The following PFAS variants were observed in gnomAD, a reference collection of about 807,000 sequenced individuals.
PFAS encodes FGAM synthase.
A neutral mutation model predicts 140.6 loss-of-function variants in PFAS; 97 were observed. That is an observed-to-expected ratio of 0.69 (90% CI 0.59 to 0.82). PFAS has a LOEUF of 0.82. Ranked by LOEUF, PFAS falls within the 40% of genes least tolerant of loss-of-function variation. PFAS has a pLI of 0.00. For missense variants in PFAS, 1,656 were observed against 1,780.2 expected (o/e 0.93, Z 1.26); for synonymous variants, 679 against 718.8 (o/e 0.94, Z 0.88).
At position 8,258,063 on chromosome 17, in the gene PFAS, C is replaced by A; in HGVS notation, c.1208-8C>A. 3 of 1,614,108 alleles carry A rather than the reference C, an allele frequency of 1.9e-6. No individual in the cohort carries two copies. Among genetic ancestry groups the A allele is most frequent in the Middle Eastern group, 1.6e-4 (1 of 6,062 alleles). On this transcript the variant is annotated splice_region_variant and splice_polypyrimidine_tract_variant and intron_variant, in intron 10 of 27. Transcript: ENST00000314666. ...GAGTGACAGGTCCCTCTGATGTTCACACTCCAGGCTTCGCCCGCTCCTTGG... is the reference window on the plus strand; with the variant it reads ...GAGTGACAGGTCCCTCTGATGTTCAAACTCCAGGCTTCGCCCGCTCCTTGG...
intron 1 of PFAS, among the ~76,000 whole-genome samples, chr17:8,252,347 A>G (rs1989189282): frequency 6.6e-6 from 1 of 152,200 alleles, no homozygotes; most frequent in African/African-American, 2.4e-5. Flanking sequence ...ACATGATATC[A>G]TCAAGCAATA....
intron 4 of PFAS, 73 bp from the exon 5 acceptor site, chr17:8,255,429 G>A: frequency 8.6e-7 from 1 of 1,165,694 alleles, no homozygotes; most frequent in Non-Finnish European, 1.2e-6. Flanking sequence ...TGACTAAGAG[G>A]GTAGGAAGGT....
intron 11 of PFAS, among the ~76,000 whole-genome samples, chr17:8,261,393 C>G (rs925877717): frequency 6.6e-6 from 1 of 151,928 alleles, no homozygotes; most frequent in African/African-American, 2.4e-5. Context: ...CGTGCCACCA[C>G]ACCTAGCTAA....
At chr17:8,250,011 C>G (rs1317379322) in intron 1 of PFAS, among the ~76,000 whole-genome samples, 1 of 152,100 alleles carries the variant, frequency 6.6e-6, no homozygotes, top group Non-Finnish European at 1.5e-5. Flanking sequence ...ATAGTAACTA[C>G]TTGAGTGGCT....
At chr17:8,253,622 C>G (rs1423578122) in intron 1 of PFAS, among the ~76,000 whole-genome samples, 1 of 152,106 alleles carries the variant, frequency 6.6e-6, no homozygotes, top group Non-Finnish European at 1.5e-5. Context: ...TCACTGCAAC[C>G]TCTGCCTCCC....
Position 8,263,218 on chromosome 17 carries a change from A to G in PFAS, c.1520A>G (p.Lys507Arg), listed in dbSNP as rs368610428. 1.9e-5 allele frequency: 31 copies of G among 1,614,030 alleles called. No homozygotes were observed. The highest frequency in any genetic ancestry group is 1.8e-4 in the South Asian group (16 of 91,084). ...ATCAGGGCTTGTGTGGAGGCCCCCA[A>G]GGGAAACCCCATCTGCAGCCTTCAT... The part of the protein sequence containing the change: ...RVIRACVEAP[K>R]GNPICSLHDQ... The change falls in exon 13 of 28, where the codon AAG (lysine) becomes AGG (arginine). Residue 507 changes from lysine to arginine, a missense_variant. By Grantham distance (26) the Lys-to-Arg change is conservative. Around this residue, in one of 2 missense-constraint regions of PFAS, gnomAD observed 773 missense variants for 757.3 expected, o/e 1.02. Transcript: ENST00000314666.
In PFAS at chr17:8,265,437, T is replaced by C. The variant is rs762712686; in HGVS notation, c.2430T>C (p.Ala810=). Residue 810 remains alanine (A), a synonymous_variant, in exon 19 of 28, where the codon GCT becomes GCC. Coordinates refer to ENST00000314666, the MANE Select transcript of PFAS (RefSeq NM_012393.3). ...DGGKDSLSMA[A]RVGTETVRAP... Reference sequence around the variant, plus strand: ...GCAAGGACTCCCTCAGCATGGCTGCTCGGGTTGGCACTGAGACCGTGCGGG... The same window carrying C: ...GCAAGGACTCCCTCAGCATGGCTGCCCGGGTTGGCACTGAGACCGTGCGGG... 77 of 1,613,904 alleles carry C rather than the reference T, an allele frequency of 4.8e-5. No homozygotes were observed. The highest frequency in any genetic ancestry group is 3.8e-4 in the Admixed American group (23 of 59,980).
intron 1 of PFAS, 108 bp from the exon 2 acceptor site, chr17:8,253,751 C>G (rs1030451606): frequency 4.4e-6 from 3 of 675,666 alleles, no homozygotes; most frequent in Admixed American, 3.5e-5. Context: ...GTTGGCCGGG[C>G]TGATCTCCAA....
Position 8,255,533 on chromosome 17 carries a change from C to T in PFAS, c.416C>T (p.Ala139Val), listed in dbSNP as rs539186803. The change falls in exon 5 of 28, where the codon GCC becomes GTC. Residue 139 changes from alanine (A) to valine (V), a missense_variant. Ala to Val is a moderately conservative substitution (Grantham distance 64, BLOSUM62 0). Coordinates refer to ENST00000314666, the MANE Select transcript of PFAS (RefSeq NM_012393.3). ...CACCCCCCGTCAGCTGAGGTGGAAG[C>T]CATTGCTCTGGCTACCCTGCACGAC... ...FAHPPSAEVEAIALATLHDRM... is the reference protein window; with the variant it reads ...FAHPPSAEVEVIALATLHDRM... The T allele has an allele frequency of 5.0e-5, 77 of 1,526,010 alleles. No homozygotes were observed. The highest frequency in any genetic ancestry group is 1.6e-4 in the South Asian group (12 of 75,386). 94.5% of individuals were successfully genotyped at this position (1,526,010 alleles called of 1,614,324 possible).
rs780908291 is a variant in PFAS, at chr17:8,256,547, G to A, written c.845G>A (p.Arg282Gln). The part of the protein sequence containing the change: ...NSSAIQGKEV[R>Q]FLRPEDPTRP... ...AGTGCAATCCAGGGAAAGGAAGTCC[G>A]ATTCCTACGGCCTGAGGACCCCACA... The change falls in exon 8 of 28, where the codon CGA (arginine) becomes CAA (glutamine). Residue 282 changes from arginine (R) to glutamine (Q), a missense_variant. By Grantham distance (43) the Arg-to-Gln change is conservative. Coordinates refer to ENST00000314666, the MANE Select transcript of PFAS (RefSeq NM_012393.3). 6.3e-5 allele frequency: 102 copies of A among 1,614,012 alleles called. No individual in the cohort carries two copies. Among genetic ancestry groups the A allele is most frequent in the Admixed American group, 5.8e-4 (35 of 60,006 alleles).
At chr17:8,268,879 G>A (rs1002442621) in intron 27 of PFAS, 23 bp downstream of exon 27, 20 of 1,611,628 alleles carry the variant, frequency 1.2e-5, no homozygotes, top group Admixed American at 3.3e-5. Flanking sequence ...GAAGGCTGGG[G>A]GAGGGCCCGA....
chr17:8,254,295 G>A lies in PFAS; in HGVS notation c.272G>A (p.Gly91Glu). 12 of 1,613,986 alleles carry A rather than the reference G, an allele frequency of 7.4e-6. No individual in the cohort carries two copies. The highest frequency in any genetic ancestry group is 1.0e-5 in the Non-Finnish European group (12 of 1,179,988). Residue 91 changes from glycine (G) to glutamate (E), a missense_variant, in exon 3 of 28, where the codon GGG (glycine) becomes GAG (glutamate). By Grantham distance (98) the Gly-to-Glu change is moderately conservative. Coordinates refer to ENST00000314666, the MANE Select transcript of PFAS (RefSeq NM_012393.3). ...PGSNDLLLEV[G>E]PRLNFSTPTS... ...TCCAATGACCTGCTGCTGGAGGTCG[G>A]GCCCAGGTAAGTATCTCATCCTGCC... is the stretch of plus-strand genomic sequence containing the variant.
Position 8,267,203 on chromosome 17 carries a change from C to G in PFAS, c.3143C>G (p.Thr1048Ser). The change falls in exon 24 of 28, where the codon ACC (threonine) becomes AGC (serine). Residue 1048 changes from threonine (T) to serine (S), a missense_variant. Thr to Ser is a moderately conservative substitution (Grantham distance 58, BLOSUM62 1). Transcript: ENST00000314666. This position sits in a 1 kb window ranked among gnomAD's most constrained non-coding sequence, Gnocchi z 4.9. Reference protein sequence around the residue: ...RMGPSYCLPPTFPKASVPREP... With the variant: ...RMGPSYCLPPSFPKASVPREP... ...GGGCCCAGCTATTGCCTGCCCCCCA[C>G]CTTTCCCAAAGCCTCCGTGCCCCGT... is the stretch of plus-strand genomic sequence containing the variant. The G allele has an allele frequency of 6.2e-7, 1 of 1,607,010 alleles. No individual in the cohort carries two copies. The highest frequency in any genetic ancestry group is 2.2e-5 in the East Asian group (1 of 44,658).
chr17:8,267,086 C>T lies in PFAS; in HGVS notation c.3026C>T (p.Ala1009Val). ...VLEEPVGELR[A>V]LWEETSFQLD... is the part of the protein sequence containing the mutation. The stretch of plus-strand genomic sequence containing the variant: ...GAGGAGCCTGTTGGGGAGCTGCGAG[C>T]CCTCTGGGAGGAGACGAGTTTCCAG... The change falls in exon 24 of 28, where the codon GCC (alanine) becomes GTC (valine). Residue 1009 changes from alanine to valine, a missense_variant. By Grantham distance (64) the Ala-to-Val change is moderately conservative. This residue lies in a region of PFAS where 883 missense variants were observed against 1,023.0 expected (regional missense o/e 0.86). Coordinates refer to ENST00000314666, the MANE Select transcript of PFAS (RefSeq NM_012393.3). The surrounding 1 kb of genome is among the most constrained non-coding windows in gnomAD (Gnocchi z 4.9). The T allele has an allele frequency of 6.2e-7, 1 of 1,614,002 alleles. No homozygotes were observed. The highest frequency in any genetic ancestry group is 8.5e-7 in the Non-Finnish European group (1 of 1,179,992).
intron 4 of PFAS, 48 bp from the exon 5 acceptor site, chr17:8,255,454 C>T: frequency 1.0e-5 from 14 of 1,369,644 alleles, no homozygotes; most frequent in Non-Finnish European, 1.4e-5. Flanking sequence ...CATTTCTCTC[C>T]ATTCTTAAAC....
chr17:8,262,559 C>T (rs1032573036), intron 11 of PFAS: 6 of 226,218 alleles, frequency 2.7e-5, no homozygotes, highest in African/African-American at 1.2e-4. Context: ...TTTGGGAGGC[C>T]GAGGTGGGCG....
intron 27 of PFAS, 22 bp downstream of exon 27, chr17:8,268,878 G>T (rs1296695849): frequency 1.2e-6 from 2 of 1,611,634 alleles, no homozygotes; most frequent in Non-Finnish European, 1.7e-6. Context: ...GGAAGGCTGG[G>T]GGAGGGCCCG....
chr17:8,265,344 A>G lies in PFAS; in HGVS notation c.2337A>G (p.Ala779=), dbSNP rs1022509287. Residue 779 remains alanine (A), a synonymous_variant, in exon 19 of 28, where the codon GCA becomes GCG. Coordinates refer to ENST00000314666, the MANE Select transcript of PFAS (RefSeq NM_012393.3). ...CAGCCAAGCTCCCAGGGGAGGGCGC[A>G]GCTTTGGCGGATGCCTGTGAGGCTA... is the stretch of plus-strand genomic sequence containing the variant. ...MWAAKLPGEG[A]ALADACEAMV... is the part of the protein sequence containing the mutation. The G allele has an allele frequency of 1.9e-6, 3 of 1,614,036 alleles. No homozygotes were observed. Among genetic ancestry groups the G allele is most frequent in the East Asian group, 2.2e-5 (1 of 44,888 alleles).
At chr17:8,265,185 A>G (rs1401006096) in intron 18 of PFAS, 60 bp downstream of exon 18, 1 of 1,560,110 alleles carries the variant, frequency 6.4e-7, no homozygotes, top group Non-Finnish European at 8.8e-7. Flanking sequence ...TTCCACATCC[A>G]TCTGTAGCCC....
Sources: gnomAD v4.1 joint callset for allele counts (sites outside exome capture counted in the v4.1 genomes callset) on GRCh38, gnomAD v4.1.1 for gene constraint, gnomAD v4.1.1 regional missense constraint, Gnocchi (gnomAD v3.1) non-coding constraint, MANE v1.5 for transcripts, NCBI Gene and HGNC (gene_info 2026-07-23, HGNC 2026-07-21) for gene names.